SOX13: variants seen among roughly 807,000 people sequenced by gnomAD.
SOX13 encodes transcription factor SOX-13.
SOX13 carries 28 observed loss-of-function variants against 71.8 expected under a neutral mutation model. The observed-to-expected ratio is 0.39, with a 90% confidence interval of 0.29 to 0.53. The LOEUF (loss-of-function observed/expected upper bound fraction) is 0.53. Among genes scored for constraint, SOX13 ranks in the 20% least tolerant of loss-of-function variants. The pLI is 0.70. For missense variants in SOX13, 627 were observed against 810.3 expected, an observed-to-expected ratio of 0.77 and a Z score of 2.75; for synonymous variants, 309 against 317.8, an observed-to-expected ratio of 0.97 and a Z score of 0.29.
intron 1 of SOX13, among the ~76,000 whole-genome samples, chr1:204,104,143 G>A (rs1656411794): frequency 6.6e-6 from 1 of 152,198 alleles, no homozygotes; most frequent in Non-Finnish European, 1.5e-5. Flanking sequence ...GTGCTGTGGG[G>A]AAGTGCCTCT....
At chr1:204,108,052 T>C (rs1341428680) in intron 1 of SOX13, among the ~76,000 whole-genome samples, 1 of 152,014 alleles carries the variant, frequency 6.6e-6, no homozygotes, top group Non-Finnish European at 1.5e-5. Context: ...GGAGGCTAAG[T>C]GTGTGTAGAA....
At chr1:204,114,221 C>G in intron 2 of SOX13, 100 bp from the exon 3 acceptor site, 1 of 714,274 alleles carries the variant, frequency 1.4e-6, no homozygotes. Flanking sequence ...TTGGATAGGG[C>G]TGGGATCCCT....
At chr1:204,090,931 AT>A (rs1403824737) in intron 1 of SOX13, among the ~76,000 whole-genome samples, 1 of 152,092 alleles carries the variant, frequency 6.6e-6, no homozygotes, top group Non-Finnish European at 1.5e-5. Flanking sequence ...GTTAGTTTAG[AT>A]TGCAGTTAGG....
rs180929223 is a variant in SOX13 at position 204,109,841 on chromosome 1, T to A, written c.-1-3074T>A. The stretch of plus-strand genomic sequence containing the variant: ...GTTATTATTATTATCATTATTATTA[T>A]TTTTTTTTGAGACGGAGTTTCGCTC... On this transcript the variant is annotated intron_variant, in intron 1 of 13. Coordinates refer to ENST00000367204, the MANE Select transcript of SOX13 (RefSeq NM_005686.3). Among the ~76,000 whole-genome samples the A allele has an allele frequency of 2.1e-3, 320 of 151,312 alleles. 4 individuals carry two copies. The East Asian group carries it at 0.026, about 12-fold the overall frequency.
chr1:204,122,462 G>A, intron 9 of SOX13, 63 bp downstream of exon 9: 1 of 1,355,376 alleles, frequency 7.4e-7, no homozygotes, highest in Admixed American at 2.4e-5. Flanking sequence ...GCGGCATGAT[G>A]CGACCTTGAG....
At chr1:204,104,988 T>C (rs941745590) in intron 1 of SOX13, among the ~76,000 whole-genome samples, 1 of 152,006 alleles carries the variant, frequency 6.6e-6, no homozygotes, top group Non-Finnish European at 1.5e-5. Context: ...GGGCTAGGTT[T>C]GTGTGCGCCT....
intron 4 of SOX13, 112 bp from the exon 5 acceptor site, chr1:204,116,395 C>T (rs1656695094): frequency 6.3e-7 from 1 of 1,598,640 alleles, no homozygotes. Flanking sequence ...CCCTAATGGT[C>T]CTGGGACATA....
chr1:204,116,796 TG>T, intron 5 of SOX13, 117 bp downstream of exon 5: 2 of 1,517,832 alleles, frequency 1.3e-6, no homozygotes, highest in Non-Finnish European at 1.8e-6. Context: ...GGGGGCAGGC[TG>T]GGCAGGGTCT....
intron 1 of SOX13, among the ~76,000 whole-genome samples, chr1:204,096,221 T>G (rs112771414): frequency 0.032 from 4,565 of 142,716 alleles, 258 homozygotes; most frequent in African/African-American, 0.11. Context: ...TTTCTTTTCT[T>G]TTCTTTTTCT....
intron 7 of SOX13, among the ~76,000 whole-genome samples, chr1:204,121,140 C>G (rs1035553347): frequency 1.3e-5 from 2 of 151,924 alleles, no homozygotes; most frequent in African/African-American, 4.8e-5. Flanking sequence ...CCACCGCACC[C>G]GGCTAATTTT....
In SOX13 at chr1:204,122,298, C is replaced by G; in HGVS notation, c.923C>G (p.Ser308Cys). ...KPKAPELPNT[S>C]SSPSLKMSSC... Reference sequence around the variant, plus strand: ...AAGGCCCCCGAGCTGCCCAACACCTCCAGCTCCCCAAGCCTGAAGATGAGC... The same window carrying G: ...AAGGCCCCCGAGCTGCCCAACACCTGCAGCTCCCCAAGCCTGAAGATGAGC... The change falls in exon 9 of 14, where the codon TCC becomes TGC. Residue 308 changes from serine (S) to cysteine (C), a missense_variant. Physicochemically the swap from Ser to Cys is moderately radical, Grantham distance 112. Coordinates refer to ENST00000367204, the MANE Select transcript of SOX13 (RefSeq NM_005686.3). 1 of 1,584,660 alleles carries G rather than the reference C, an allele frequency of 6.3e-7. No individual in the cohort carries two copies. Among genetic ancestry groups the G allele is most frequent in the Non-Finnish European group, 8.6e-7 (1 of 1,165,700 alleles).
At position 204,117,134 on chromosome 1, in the gene SOX13, C is replaced by A; in HGVS notation, c.604C>A (p.Gln202Lys). Residue 202 changes from glutamine (Q) to lysine (K), a missense_variant, in exon 6 of 14, where the codon CAG becomes AAG. Gln to Lys is a moderately conservative substitution (Grantham distance 53, BLOSUM62 1). Around this residue, in one of 3 missense-constraint regions of SOX13, gnomAD observed 447 missense variants for 532.2 expected, o/e 0.84. Transcript: ENST00000367204. ...TTCCCTCTCCCAGATTGCAAAGCAG[C>A]AGCAGCAGCTGATTCAGCAGCAGCA... Reference protein sequence around the residue: ...RQQQEQIAKQQQQLIQQQHKI... With the variant: ...RQQQEQIAKQKQQLIQQQHKI... 1 of 1,613,972 alleles carries A rather than the reference C, an allele frequency of 6.2e-7. No homozygotes were observed. Among genetic ancestry groups the A allele is most frequent in the Non-Finnish European group, 8.5e-7 (1 of 1,179,866 alleles).
chr1:204,112,111 T>C (rs1225788113), intron 1 of SOX13, among the ~76,000 whole-genome samples: 1 of 152,212 alleles, frequency 6.6e-6, no homozygotes, highest in African/African-American at 2.4e-5. Flanking sequence ...TTATGTGTTA[T>C]CTCTTGATTT....
chr1:204,090,820 G>A (rs1384096673), intron 1 of SOX13, among the ~76,000 whole-genome samples: 1 of 152,194 alleles, frequency 6.6e-6, no homozygotes, highest in Non-Finnish European at 1.5e-5. Context: ...CCAGTGTTCT[G>A]CTAAGATGAG....
rs922696213 is a variant in SOX13, at chr1:204,073,248, C to A, written c.-465C>A. ...TCTGAGCCCAGAGCTCAGCGGTCAG[C>A]CTCGTAGGCCCTGACTCGGAATCGA... On this transcript the variant is annotated 5_prime_UTR_variant, in exon 1 of 14. Transcript: ENST00000367204. This position sits in a 1 kb window ranked among gnomAD's most constrained non-coding sequence, Gnocchi z 6.8. The A allele has an allele frequency of 1.3e-5, 2 of 152,280 alleles. No individual in the cohort carries two copies. Among genetic ancestry groups the A allele is most frequent in the Admixed American group, 6.5e-5 (1 of 15,288 alleles). The allele number at this position is 152,280 out of a possible 1,614,324, so 9.4% of individuals were successfully genotyped here.
chr1:204,111,713 C>G (rs1656582997), intron 1 of SOX13, among the ~76,000 whole-genome samples: 1 of 149,158 alleles, frequency 6.7e-6, no homozygotes, highest in Admixed American at 6.8e-5. Context: ...CACCCCCGCC[C>G]TTTATTTTTT....
intron 1 of SOX13, among the ~76,000 whole-genome samples, chr1:204,083,755 C>T (rs1655958191): frequency 1.3e-5 from 2 of 152,198 alleles, no homozygotes; most frequent in Non-Finnish European, 2.9e-5. Context: ...TGCCTTGTGG[C>T]TATGCCGGGC....
At chr1:204,090,707 G>A (rs1035661109) in intron 1 of SOX13, among the ~76,000 whole-genome samples, 2 of 152,238 alleles carry the variant, frequency 1.3e-5, no homozygotes, top group South Asian at 2.1e-4. Context: ...CACCATGCCC[G>A]GCCAAGCTCA....
At chr1:204,111,165 A>C (rs887633352) in intron 1 of SOX13, among the ~76,000 whole-genome samples, 2 of 152,250 alleles carry the variant, frequency 1.3e-5, no homozygotes, top group African/African-American at 4.8e-5. Flanking sequence ...ACAAGGAAAC[A>C]ACAAAACACC....
Sources: gnomAD v4.1 joint callset for allele counts (sites outside exome capture counted in the v4.1 genomes callset) on GRCh38, gnomAD v4.1.1 for gene constraint, gnomAD v4.1.1 regional missense constraint, Gnocchi (gnomAD v3.1) non-coding constraint, MANE v1.5 for transcripts, NCBI Gene and HGNC (gene_info 2026-07-23, HGNC 2026-07-21) for gene names.